ERV3-1: variants seen among roughly 807,000 people sequenced by gnomAD.
ERV3-1 encodes the protein endogenous retrovirus group 3 member 1, envelope.
ERV3-1 carries 36 observed loss-of-function variants against 24.6 expected under a neutral mutation model. The observed-to-expected ratio is 1.47, with a 90% confidence interval of 1.12 to 1.94. ERV3-1 has a LOEUF of 1.94. Ranked by LOEUF, ERV3-1 falls within the 30% of genes most tolerant of loss-of-function variation. ERV3-1 has a pLI of 0.00. For missense variants in ERV3-1, 578 were observed against 330.9 expected (o/e 1.75, Z -5.79); for synonymous variants, 211 against 122.6 (o/e 1.72, Z -4.76).
In ERV3-1 at chr7:64,991,232, C is replaced by A. The variant is rs755929610; in HGVS notation, c.1795G>T (p.Val599Phe). The A allele has an allele frequency of 4.2e-5, 32 of 754,330 alleles. No homozygotes were observed. The highest frequency in any genetic ancestry group is 7.0e-5 in the Non-Finnish European group (29 of 411,828). The allele number at this position is 754,330 out of a possible 1,614,324, so 46.7% of individuals were successfully genotyped here. A position where few individuals can be genotyped will look rare whatever the true frequency, so the allele number is the denominator to read the frequency against. The change falls in exon 2 of 2, where the codon GTT becomes TTT. Residue 599 changes from valine to phenylalanine, a missense_variant. By Grantham distance (50) the Val-to-Phe change is conservative. Coordinates refer to ENST00000394323, the MANE Select transcript of ERV3-1 (RefSeq NM_001007253.4). ...AKIQKLAHIP[V>F]QTWKG The stretch of plus-strand genomic sequence containing the variant: ...GGAGACTATCCTTTCCAAGTCTGAA[C>A]TGGGATGTGAGCTAACTTTTGGATT...
chr7:65,006,505 C>A lies in ERV3-1; in HGVS notation c.-389+36G>T. On this transcript the variant is annotated intron_variant, in intron 1 of 1. Coordinates refer to ENST00000394323, the MANE Select transcript of ERV3-1 (RefSeq NM_001007253.4). ...TTCCCACCAGTTCCAACCAGCCCCG[C>A]CCCCTCTCTCGGGATGTCGGACCCG... The A allele has an allele frequency of 2.5e-6, 4 of 1,570,700 alleles. No homozygotes were observed. In the South Asian group the frequency reaches 3.3e-5, roughly 13 times the overall value.
At chr7:65,004,322 A>G (rs1786589668) in intron 1 of ERV3-1, 1 of 152,296 alleles carries the variant, frequency 6.6e-6, no homozygotes, top group Non-Finnish European at 1.5e-5. Context: ...ATACTGAGCC[A>G]TTGCACTCCA....
Position 64,992,559 on chromosome 7 carries a change from AC to A in ERV3-1, c.467del (p.Cys156PhefsTer7). ...AAGTTGTTACTGGGGAATCGGTGGAACAAGCAGGGTGTGCATACCTATTTTT... is the reference window on the plus strand; with the variant it reads ...AAGTTGTTACTGGGGAATCGGTGGAAAAGCAGGGTGTGCATACCTATTTTT... ...CHKNRYAHPA[C>X]STDSPVTTCW... On this transcript the variant is annotated frameshift_variant, in exon 2 of 2. Coordinates refer to ENST00000394323, the MANE Select transcript of ERV3-1 (RefSeq NM_001007253.4). LOFTEE classifies it high-confidence loss of function. The A allele has an allele frequency of 1.3e-6, 1 of 766,396 alleles. No individual in the cohort carries two copies. The allele number at this position is 766,396 out of a possible 1,614,324, so 47.5% of individuals were successfully genotyped here.
chr7:64,992,873 CAT>C lies in ERV3-1; in HGVS notation c.152_153del (p.Tyr51Ter). On this transcript the variant is annotated frameshift_variant, in exon 2 of 2. Coordinates refer to ENST00000394323, the MANE Select transcript of ERV3-1 (RefSeq NM_001007253.4). LOFTEE classifies it high-confidence loss of function. The stretch of plus-strand genomic sequence containing the variant: ...GTTCCTAGGCAGGTCCCAGCACACT[CAT>C]AATAAGTGTGATACAACAGGGTTTT... ...MTKTLLYHTYYECAGTCLGTC... is the reference protein window; with the variant it reads ...MTKTLLYHTYXECAGTCLGTC... The C allele has an allele frequency of 1.3e-6, 1 of 766,390 alleles. No homozygotes were observed. Among genetic ancestry groups the C allele is most frequent in the Non-Finnish European group, 2.4e-6 (1 of 417,906 alleles). 47.5% of individuals were successfully genotyped at this position (766,390 alleles called of 1,614,324 possible). A position where few individuals can be genotyped will look rare whatever the true frequency, so the allele number is the denominator to read the frequency against.
intron 1 of ERV3-1, chr7:65,005,157 C>A: frequency 6.4e-6 from 1 of 156,186 alleles, no homozygotes; most frequent in South Asian, 1.9e-4. Flanking sequence ...TCCTGTCTCC[C>A]ATTCCCAGAT....
intron 1 of ERV3-1, among the ~76,000 whole-genome samples, chr7:64,997,580 C>T (rs1010585295): frequency 2.8e-4 from 43 of 152,140 alleles, no homozygotes; most frequent in Non-Finnish European, 2.9e-5. Flanking sequence ...TGTAATTGGG[C>T]TGCATCATTT....
chr7:65,006,213 GAGT>G (rs1786645200), intron 1 of ERV3-1: 1 of 350,248 alleles, frequency 2.9e-6, no homozygotes, highest in African/African-American at 2.1e-5. Context: ...TCTGCATCCT[GAGT>G]CAGTATTCTC....
rs369230376 is a variant in ERV3-1, at chr7:64,991,972, G to A, written c.1055C>T (p.Ala352Val). 3.9e-6 allele frequency: 3 copies of A among 766,252 alleles called. No homozygotes were observed. The highest frequency in any genetic ancestry group is 3.4e-5 in the African/African-American group (2 of 59,116). The allele number at this position is 766,252 out of a possible 1,614,324, so 47.5% of individuals were successfully genotyped here. ...GKFCIARWGK[A>V]FTDPVGELTC... Reference sequence around the variant, plus strand: ...TAACTCTCCTACTGGGTCTGTAAAGGCCTTTCCCCAGCGAGCAATACAGAA... The same window carrying A: ...TAACTCTCCTACTGGGTCTGTAAAGACCTTTCCCCAGCGAGCAATACAGAA... The change falls in exon 2 of 2, where the codon GCC (alanine) becomes GTC (valine). Residue 352 changes from alanine to valine, a missense_variant. Coordinates refer to ENST00000394323, the MANE Select transcript of ERV3-1 (RefSeq NM_001007253.4).
chr7:65,005,702 C>T (rs145493290), intron 1 of ERV3-1, among the ~76,000 whole-genome samples: 142 of 152,184 alleles, frequency 9.3e-4, no homozygotes, highest in Admixed American at 2.2e-3. Context: ...GTCTTGAGAC[C>T]CTGCTTGAGA....
In ERV3-1 at chr7:64,993,110, T is replaced by G; in HGVS notation, c.-84A>C. ...AAAGTAATTAATATGACAAGGAAAATTACTGGACTTCAGATTTCTAACCAC... is the reference window on the plus strand; with the variant it reads ...AAAGTAATTAATATGACAAGGAAAAGTACTGGACTTCAGATTTCTAACCAC... On this transcript the variant is annotated 5_prime_UTR_variant, in exon 2 of 2. Coordinates refer to ENST00000394323, the MANE Select transcript of ERV3-1 (RefSeq NM_001007253.4). The G allele has an allele frequency of 1.6e-6, 1 of 615,636 alleles. No homozygotes were observed. Among genetic ancestry groups the G allele is most frequent in the Non-Finnish European group, 2.9e-6 (1 of 344,698 alleles). 38.1% of individuals were successfully genotyped at this position (615,636 alleles called of 1,614,324 possible).
At chr7:65,005,124 G>A (rs7806567) in intron 1 of ERV3-1, 81,159 of 161,828 alleles carry the variant, frequency 0.5, 21,485 homozygotes, top group Admixed American at 0.62. Context: ...TCCCTTGAGA[G>A]GCTACACTCC....
At chr7:64,997,366 T>C (rs4718179) in intron 1 of ERV3-1, among the ~76,000 whole-genome samples, 4 of 152,148 alleles carry the variant, frequency 2.6e-5, no homozygotes, top group Non-Finnish European at 4.4e-5. Flanking sequence ...TCCTACAAAC[T>C]CTGCGTTCAC....
Position 64,991,984 on chromosome 7 carries a change from C to T in ERV3-1, c.1043G>A (p.Arg348His), listed in dbSNP as rs140714007. 330 of 766,352 alleles carry T rather than the reference C, an allele frequency of 4.3e-4. No homozygotes were observed. Among genetic ancestry groups the T allele is most frequent in the African/African-American group, 2.7e-3 (162 of 59,244 alleles). 47.5% of individuals were successfully genotyped at this position (766,352 alleles called of 1,614,324 possible). The change falls in exon 2 of 2, where the codon CGC becomes CAC. Residue 348 changes from arginine to histidine, a missense_variant. Transcript: ENST00000394323. ...TSIIGKFCIA[R>H]WGKAFTDPVG... ...TGGGTCTGTAAAGGCCTTTCCCCAG[C>T]GAGCAATACAGAATTTTCCAATAAT...
chr7:64,997,933 A>G (rs2129123578), intron 1 of ERV3-1, among the ~76,000 whole-genome samples: 2 of 152,240 alleles, frequency 1.3e-5, no homozygotes, highest in Middle Eastern at 6.8e-3. Flanking sequence ...GTTCATCATA[A>G]TAGATAGGTC....
chr7:65,006,306 A>G, intron 1 of ERV3-1: 2 of 659,008 alleles, frequency 3.0e-6, no homozygotes, highest in South Asian at 1.8e-5. Context: ...AGAGGACTCC[A>G]GAACAAGGCA....
At position 65,006,650 on chromosome 7, in the gene ERV3-1, T is replaced by C. The variant is rs1055590158; in HGVS notation, c.-498A>G. The C allele has an allele frequency of 5.5e-5, 84 of 1,523,692 alleles. No homozygotes were observed. The highest frequency in any genetic ancestry group is 1.0e-4 in the Admixed American group (6 of 59,450). The allele number at this position is 1,523,692 out of a possible 1,614,324, so 94.4% of individuals were successfully genotyped here. A position where few individuals can be genotyped will look rare whatever the true frequency, so the allele number is the denominator to read the frequency against. On this transcript the variant is annotated 5_prime_UTR_variant, in exon 1 of 2. Transcript: ENST00000394323. ...TCTAGGAGCAGAAGACACAGAGCAGTGAAGACTACACCAGAAGCTCCGGCT... is the reference window on the plus strand; with the variant it reads ...TCTAGGAGCAGAAGACACAGAGCAGCGAAGACTACACCAGAAGCTCCGGCT...
chr7:64,992,269 A>G lies in ERV3-1; in HGVS notation c.758T>C (p.Val253Ala), dbSNP rs369887496. 2.0e-5 allele frequency: 15 copies of G among 765,950 alleles called. No individual in the cohort carries two copies. In the African/African-American group the frequency reaches 2.2e-4, roughly 11 times the overall value. 47.4% of individuals were successfully genotyped at this position (765,950 alleles called of 1,614,324 possible). A position where few individuals can be genotyped will look rare whatever the true frequency, so the allele number is the denominator to read the frequency against. The change falls in exon 2 of 2, where the codon GTT becomes GCT. Residue 253 changes from valine (V) to alanine (A), a missense_variant. Physicochemically the swap from Val to Ala is moderately conservative, Grantham distance 64 (BLOSUM62 0). Transcript: ENST00000394323. ...AACATGCTCATAGAATGACTCAAAA[A>G]CTCGGAACTGTTGGGTTGAGCGGGT... is the stretch of plus-strand genomic sequence containing the variant. ...TRTRSTQQFRVFESFYEHVNQ... is the reference protein window; with the variant it reads ...TRTRSTQQFRAFESFYEHVNQ...
At chr7:64,999,100 T>A (rs1026699467) in intron 1 of ERV3-1, among the ~76,000 whole-genome samples, 10 of 152,292 alleles carry the variant, frequency 6.6e-5, no homozygotes, top group African/African-American at 2.4e-4. Context: ...GGACGGGTCC[T>A]GCCTTGGGCC....
At position 64,991,100 on chromosome 7, in the gene ERV3-1, G is replaced by T; in HGVS notation, c.*112C>A. On this transcript the variant is annotated 3_prime_UTR_variant, in exon 2 of 2. Transcript: ENST00000394323. The stretch of plus-strand genomic sequence containing the variant: ...GTTTGGATATTTTTGACAATGAGGG[G>T]TAAGAGACAAGGGAGTATAAGGCAA... 1.7e-6 allele frequency: 1 copy of T among 597,316 alleles called. No homozygotes were observed. The allele number at this position is 597,316 out of a possible 1,614,324, so 37.0% of individuals were successfully genotyped here. A position where few individuals can be genotyped will look rare whatever the true frequency, so the allele number is the denominator to read the frequency against.
Sources: allele counts gnomAD v4.1 joint callset (sites outside exome capture counted in the v4.1 genomes callset), GRCh38; gene constraint gnomAD v4.1.1; transcripts MANE v1.5; gene names NCBI Gene and HGNC (gene_info 2026-07-23, HGNC 2026-07-21).